NDC1: variants seen among roughly 807,000 people sequenced by gnomAD.
NDC1 encodes the protein nucleoporin NDC1.
A neutral mutation model predicts 89.8 loss-of-function variants in NDC1; 24 were observed. The observed-to-expected ratio is 0.27, with a 90% CI of 0.19 to 0.38. The LOEUF (loss-of-function observed/expected upper bound fraction) is 0.38. Among genes scored for constraint, NDC1 ranks in the 10% least tolerant of loss-of-function variants. The pLI is 1.00. For missense variants in NDC1, 728 were observed against 797.6 expected, an observed-to-expected ratio of 0.91 and a Z score of 1.05; for synonymous variants, 296 against 284.8, an observed-to-expected ratio of 1.04 and a Z score of -0.39.
At chr1:53,793,826 A>C (rs979756395) in intron 13 of NDC1, among the ~76,000 whole-genome samples, 1 of 152,088 alleles carries the variant, frequency 6.6e-6, no homozygotes, top group Non-Finnish European at 1.5e-5. Flanking sequence ...CCTGGACTCA[A>C]GCAATCCTCT....
At chr1:53,805,824 C>T (rs556500522) in intron 9 of NDC1, among the ~76,000 whole-genome samples, 1 of 152,304 alleles carries the variant, frequency 6.6e-6, no homozygotes, top group South Asian at 2.1e-4. Flanking sequence ...CCTGTAATCC[C>T]AGCACTTTGG....
chr1:53,834,243 G>A (rs1171397212), intron 2 of NDC1, among the ~76,000 whole-genome samples: 3 of 152,232 alleles, frequency 2.0e-5, no homozygotes, highest in African/African-American at 7.2e-5. Context: ...TGTCCCCAGT[G>A]CCAATTGTGA....
Position 53,832,545 on chromosome 1 carries a change from CAGG to C in NDC1, c.222_224del (p.Phe74del). On this transcript the variant is annotated inframe_deletion, in exon 3 of 18. Coordinates refer to ENST00000371429, the MANE Select transcript of NDC1 (RefSeq NM_018087.5). ...TTATTATTATTACCACTGACAGCAG[CAGG>C]AAGTAAAAGATTACATAGGAACTAT... The C allele has an allele frequency of 6.2e-7, 1 of 1,602,220 alleles. No homozygotes were observed. The highest frequency in any genetic ancestry group is 8.6e-7 in the Non-Finnish European group (1 of 1,169,406).
intron 5 of NDC1, among the ~76,000 whole-genome samples, chr1:53,824,101 G>A (rs1224290455): frequency 4.6e-5 from 7 of 151,872 alleles, no homozygotes; most frequent in Non-Finnish European, 1.0e-4. Flanking sequence ...AGGCTTGGTG[G>A]TGCATGCCAG....
At chr1:53,833,815 A>G (rs1408937570) in intron 2 of NDC1, among the ~76,000 whole-genome samples, 1 of 151,988 alleles carries the variant, frequency 6.6e-6, no homozygotes, top group Non-Finnish European at 1.5e-5. Context: ...TAAAAGTACA[A>G]TTCATTGACC....
intron 16 of NDC1, among the ~76,000 whole-genome samples, chr1:53,778,798 CT>C (rs376730303): frequency 1.3e-5 from 2 of 151,116 alleles, no homozygotes; most frequent in Non-Finnish European, 3.0e-5. Flanking sequence ...GACAGCAATA[CT>C]TTTTTTTTAA....
chr1:53,769,855 C>G (rs1647097797), intron 17 of NDC1, among the ~76,000 whole-genome samples: 2 of 152,288 alleles, frequency 1.3e-5, no homozygotes, highest in Admixed American at 1.3e-4. Flanking sequence ...ACACCACAGT[C>G]TAGGTTAGGA....
chr1:53,836,648 A>T (rs1232213564), intron 1 of NDC1, among the ~76,000 whole-genome samples: 4 of 151,680 alleles, frequency 2.6e-5, no homozygotes, highest in Non-Finnish European at 5.9e-5. Flanking sequence ...GGTGCCCGCC[A>T]CCACACCTGA....
chr1:53,782,639 C>A (rs1647222831), intron 16 of NDC1, among the ~76,000 whole-genome samples: 1 of 152,076 alleles, frequency 6.6e-6, no homozygotes, highest in African/African-American at 2.4e-5. Flanking sequence ...GGTCCATAGG[C>A]CTAAGGGAAA....
intron 13 of NDC1, among the ~76,000 whole-genome samples, chr1:53,796,032 T>A (rs961667838): frequency 2.0e-5 from 3 of 152,152 alleles, no homozygotes; most frequent in South Asian, 2.1e-4. Flanking sequence ...GCCATTCCCA[T>A]CTCAGATGCA....
chr1:53,826,154 T>C (rs1648854308), intron 4 of NDC1, among the ~76,000 whole-genome samples: 1 of 152,242 alleles, frequency 6.6e-6, no homozygotes, highest in Non-Finnish European at 1.5e-5. Context: ...TCTACCTCTG[T>C]TCCCCTGGAA....
chr1:53,791,736 G>A (rs746695955), intron 14 of NDC1, among the ~76,000 whole-genome samples: 56 of 152,184 alleles, frequency 3.7e-4, no homozygotes, highest in Non-Finnish European at 6.8e-4. Flanking sequence ...GAAAACAGGA[G>A]ATCTTGGTCA....
intron 16 of NDC1, among the ~76,000 whole-genome samples, chr1:53,781,842 T>C (rs1367399084): frequency 6.6e-6 from 1 of 152,070 alleles, no homozygotes; most frequent in African/African-American, 2.4e-5. Flanking sequence ...AATCAACCCA[T>C]TGCATCAGAA....
At chr1:53,788,738 T>C (rs1266538856) in intron 15 of NDC1, among the ~76,000 whole-genome samples, 3 of 151,910 alleles carry the variant, frequency 2.0e-5, no homozygotes, top group African/African-American at 7.2e-5. Context: ...ACAAAAAAGT[T>C]TTTAAAACAA....
At chr1:53,805,849 T>C (rs12743628) in intron 9 of NDC1, among the ~76,000 whole-genome samples, 156 of 148,696 alleles carry the variant, frequency 1.0e-3, no homozygotes, top group African/African-American at 3.7e-3. Flanking sequence ...CCGAGGCGGG[T>C]GGATCACGAG....
At chr1:53,832,423 G>A (rs1474982935) in intron 3 of NDC1, 67 bp downstream of exon 3, 1 of 810,216 alleles carries the variant, frequency 1.2e-6, no homozygotes, top group Non-Finnish European at 2.1e-6. Flanking sequence ...CATATAAAAT[G>A]TACTAAGTCT....
chr1:53,827,080 T>G (rs1648886426), intron 4 of NDC1, among the ~76,000 whole-genome samples: 1 of 152,102 alleles, frequency 6.6e-6, no homozygotes, highest in Non-Finnish European at 1.5e-5. Context: ...CTTTTATCAT[T>G]TAATGTTTAC....
chr1:53,834,290 C>T (rs1649159446), intron 2 of NDC1, among the ~76,000 whole-genome samples: 1 of 152,218 alleles, frequency 6.6e-6, no homozygotes, highest in Non-Finnish European at 1.5e-5. Flanking sequence ...AGATTGAGTA[C>T]TCTAAGGTTG....
rs754470935 is a variant in NDC1 at position 53,767,835 on chromosome 1, T to C, written c.*135A>G. 47 of 452,768 alleles carry C rather than the reference T, an allele frequency of 1.0e-4. No homozygotes were observed. The highest frequency in any genetic ancestry group is 1.7e-4 in the Non-Finnish European group (44 of 255,652). 28.0% of individuals were successfully genotyped at this position (452,768 alleles called of 1,614,324 possible). The stretch of plus-strand genomic sequence containing the variant: ...TTCCATGATTTCTCCCATTAAAGTA[T>C]AGTTTTCAAAGCAACCACCACGACA... On this transcript the variant is annotated 3_prime_UTR_variant, in exon 18 of 18. Coordinates refer to ENST00000371429, the MANE Select transcript of NDC1 (RefSeq NM_018087.5).
Sources: gnomAD v4.1 joint callset for allele counts (sites outside exome capture counted in the v4.1 genomes callset) on GRCh38, gnomAD v4.1.1 for gene constraint, MANE v1.5 for transcripts, NCBI Gene and HGNC (gene_info 2026-07-23, HGNC 2026-07-21) for gene names.